The following C12orf42 variants were observed in gnomAD, a reference collection of about 807,000 sequenced individuals.
The protein encoded by C12orf42 is uncharacterized protein C12orf42.
In C12orf42, 25 loss-of-function variants were observed where a neutral mutation model predicts 21.6. The observed-to-expected ratio is 1.16, with a 90% CI of 0.84 to 1.62. The LOEUF is 1.62. C12orf42 is among the 40% of genes most tolerant of loss of function. C12orf42 has a pLI of 0.00. For synonymous variants in C12orf42, 174 were observed against 175.0 expected (o/e 0.99, Z 0.05); for missense variants, 483 against 459.3 (o/e 1.05, Z -0.47).
chr12:103,175,550 G>A, the C12orf42 span, among the ~76,000 whole-genome samples: 3 of 152,234 alleles, frequency 2.0e-5, no homozygotes, highest in African/African-American at 7.2e-5. Flanking sequence ...GGCCTCGACT[G>A]CCAAAAAGAG....
chr12:103,421,289 G>T (rs2139123971), intron 2 of C12orf42, among the ~76,000 whole-genome samples: 1 of 152,282 alleles, frequency 6.6e-6, no homozygotes, highest in East Asian at 1.9e-4. Flanking sequence ...GAATATTTTA[G>T]GGCTGGGTGC....
At chr12:103,062,692 A>G in the C12orf42 span, among the ~76,000 whole-genome samples, 101 of 152,290 alleles carry the variant, frequency 6.6e-4, no homozygotes, top group African/African-American at 2.3e-3. Context: ...TGCTTTCAGC[A>G]ATTGTAGTGT....
At chr12:103,561,712 C>T in the C12orf42 span, among the ~76,000 whole-genome samples, 1 of 152,150 alleles carries the variant, frequency 6.6e-6, no homozygotes, top group South Asian at 2.1e-4. Context: ...GAACTGCACC[C>T]TTACCCTTTA....
At chr12:103,065,050 C>T in the C12orf42 span, among the ~76,000 whole-genome samples, 1 of 152,078 alleles carries the variant, frequency 6.6e-6, no homozygotes. Flanking sequence ...TAGGAAAGGC[C>T]AAATGGAAGA....
the C12orf42 span, among the ~76,000 whole-genome samples, chr12:103,107,498 A>G: frequency 2.0e-5 from 3 of 151,974 alleles, no homozygotes; most frequent in Admixed American, 6.6e-5. Context: ...GAAAATTAGC[A>G]AAACATTTTA....
the C12orf42 span, chr12:103,503,714 A>G: frequency 3.3e-5 from 5 of 153,426 alleles, no homozygotes; most frequent in Admixed American, 1.3e-4. Flanking sequence ...CTCATCAGGA[A>G]CACCTTCCAC....
the C12orf42 span, among the ~76,000 whole-genome samples, chr12:103,522,128 A>G: frequency 6.6e-6 from 1 of 152,120 alleles, no homozygotes; most frequent in Non-Finnish European, 1.5e-5. Context: ...AGGTGGAGAT[A>G]ATTGAATCAT....
chr12:103,471,834 T>C (rs1953636666), intron 2 of C12orf42: 1 of 152,214 alleles, frequency 6.6e-6, no homozygotes, highest in Non-Finnish European at 1.5e-5. Context: ...TTCCATTCTA[T>C]TTCTCTTTCT....
chr12:103,103,684 A>G, the C12orf42 span, among the ~76,000 whole-genome samples: 1 of 152,228 alleles, frequency 6.6e-6, no homozygotes. Context: ...GCATACAAAC[A>G]TAAGTTCATA....
the C12orf42 span, among the ~76,000 whole-genome samples, chr12:103,507,216 TATATAA>T: frequency 2.3e-4 from 9 of 38,826 alleles, no homozygotes; most frequent in Non-Finnish European, 3.2e-4. Context: ...ATATATATAA[TATATAA>T]ATATAAATAT....
the C12orf42 span, among the ~76,000 whole-genome samples, chr12:103,212,566 A>G: frequency 7.2e-5 from 11 of 152,016 alleles, no homozygotes; most frequent in Non-Finnish European, 1.6e-4. Flanking sequence ...TATTTCATGG[A>G]TAGTGTTGGG....
At chr12:103,482,080 C>G (rs527628727) in intron 1 of C12orf42, among the ~76,000 whole-genome samples, 1 of 151,976 alleles carries the variant, frequency 6.6e-6, no homozygotes, top group African/African-American at 2.4e-5. Context: ...ACAAGTTAGA[C>G]GTCACTATTA....
chr12:103,262,766 C>T (rs1398368244), intron 10 of C12orf42, among the ~76,000 whole-genome samples: 3 of 152,192 alleles, frequency 2.0e-5, no homozygotes, highest in Non-Finnish European at 4.4e-5. Flanking sequence ...GGATATAGAA[C>T]TAGAATTACC....
At chr12:103,496,439 G>T (rs1043570146), upstream of C12orf42, among the ~76,000 whole-genome samples, 5 of 152,132 alleles carry the variant, frequency 3.3e-5, no homozygotes, top group Non-Finnish European at 7.3e-5. Context: ...ATGCTAGTTG[G>T]TTTAGAAACT....
chr12:103,393,992 G>A (rs1417110326), intron 3 of C12orf42, among the ~76,000 whole-genome samples: 1 of 152,162 alleles, frequency 6.6e-6, no homozygotes, highest in Non-Finnish European at 1.5e-5. Flanking sequence ...ATATTGACTT[G>A]CGAGCTATCA....
intron 10 of C12orf42, among the ~76,000 whole-genome samples, chr12:103,261,307 CA>C (rs200174133): frequency 2.0e-5 from 3 of 149,736 alleles, no homozygotes; most frequent in Admixed American, 6.7e-5. Flanking sequence ...CCCATCTCTA[CA>C]AAAAAAAATG....
the C12orf42 span, chr12:103,504,293 C>A: frequency 6.4e-6 from 1 of 156,780 alleles, no homozygotes; most frequent in Non-Finnish European, 1.4e-5. Context: ...CTGTGGCCAA[C>A]CTGTTTGTAG....
chr12:103,294,613 AAAGAAAG>A (rs2037109463), intron 4 of C12orf42, among the ~76,000 whole-genome samples: 1 of 146,620 alleles, frequency 6.8e-6, no homozygotes, highest in Admixed American at 6.7e-5. Flanking sequence ...AGAAAGAAAG[AAAGAAAG>A]AAAGAAAGAA....
chr12:103,222,082 A>G, the C12orf42 span, among the ~76,000 whole-genome samples: 2 of 152,182 alleles, frequency 1.3e-5, no homozygotes, highest in African/African-American at 2.4e-5. Context: ...TGTCATATGC[A>G]TATTTTTGAG....
Sources: gnomAD v4.1 joint callset for allele counts (sites outside exome capture counted in the v4.1 genomes callset) on GRCh38, gnomAD v4.1.1 for gene constraint, MANE v1.5 for transcripts, NCBI Gene and HGNC (gene_info 2026-07-23, HGNC 2026-07-21) for gene names.